ZDHHC11: variants seen among roughly 807,000 people sequenced by gnomAD.
ZDHHC11 encodes the protein palmitoyltransferase ZDHHC11.
Under a neutral mutation model 51.3 loss-of-function variants are expected in ZDHHC11, and 44 were observed. The ratio of observed to expected loss-of-function variants is 0.86; its 90% CI spans 0.67 to 1.10. The LOEUF (loss-of-function observed/expected upper bound fraction) is 1.10. ZDHHC11 is among the 50% of genes least tolerant of loss of function. The pLI, the probability that ZDHHC11 is intolerant of heterozygous loss-of-function variation, is 0.00. For missense variants in ZDHHC11, 400 were observed against 537.7 expected (o/e 0.74, Z 2.53); for synonymous variants, 163 against 222.0 (o/e 0.73, Z 2.36).
At chr5:854,100 C>T (rs560973608), upstream of ZDHHC11, among the ~76,000 whole-genome samples, 21 of 150,580 alleles carry the variant, frequency 1.4e-4, no homozygotes, top group African/African-American at 4.9e-4. Context: ...GGGCACAGAC[C>T]CCACGGAGGA....
intron 6 of ZDHHC11, among the ~76,000 whole-genome samples, chr5:834,226 G>A (rs1743467684): frequency 6.6e-6 from 1 of 152,288 alleles, no homozygotes; most frequent in Non-Finnish European, 1.5e-5. Context: ...ATTTGCAGCT[G>A]CCTGATGTAG....
intron 1 of ZDHHC11, among the ~76,000 whole-genome samples, chr5:858,253 T>C (rs112985173): frequency 8.0e-4 from 40 of 49,708 alleles, no homozygotes; most frequent in Admixed American, 5.3e-3. Flanking sequence ...GAGTCTGTCC[T>C]GGTCCCCATC....
chr5:810,295 C>G (rs1409234649), intron 11 of ZDHHC11, among the ~76,000 whole-genome samples: 1 of 145,440 alleles, frequency 6.9e-6, no homozygotes, highest in Non-Finnish European at 1.5e-5. Context: ...GAATGAGGCG[C>G]TGGGGATTAG....
intron 11 of ZDHHC11, among the ~76,000 whole-genome samples, chr5:807,638 C>G (rs537751653): frequency 4.0e-3 from 614 of 151,822 alleles, no homozygotes; most frequent in African/African-American, 0.014. Context: ...AAGCCAGACC[C>G]TGGGCAGTGA....
At chr5:854,123 G>T (rs1747758949), upstream of ZDHHC11, among the ~76,000 whole-genome samples, 1 of 150,088 alleles carries the variant, frequency 6.7e-6, no homozygotes, top group Admixed American at 6.6e-5. Flanking sequence ...GTGAGGAGCG[G>T]GGACAGACCC....
chr5:834,046 C>T (rs1480091008), intron 6 of ZDHHC11, among the ~76,000 whole-genome samples: 1 of 152,298 alleles, frequency 6.6e-6, no homozygotes, highest in African/African-American at 2.4e-5. Context: ...TAAAGAAATG[C>T]CAAACTGCTT....
intron 7 of ZDHHC11, among the ~76,000 whole-genome samples, chr5:829,853 T>C (rs1742850563): frequency 6.6e-6 from 1 of 151,442 alleles, no homozygotes; most frequent in African/African-American, 2.4e-5. Context: ...AGTCAATAAA[T>C]GTGATACCTC....
chr5:799,820 T>C (rs1047994189), intron 12 of ZDHHC11, among the ~76,000 whole-genome samples: 6 of 151,690 alleles, frequency 4.0e-5, no homozygotes, highest in African/African-American at 1.5e-4. Context: ...ATTTTAATTT[T>C]GCAACTTCAT....
In ZDHHC11 at chr5:814,796, C is replaced by T; in HGVS notation, c.1147-1G>A. The T allele has an allele frequency of 6.5e-7, 1 of 1,538,998 alleles. No homozygotes were observed. The highest frequency in any genetic ancestry group is 8.7e-7 in the Non-Finnish European group (1 of 1,143,124). ...ATATACTCGGGGCATCATCTGCTTC[C>T]TGTGGGGGGAAGGGATGCAAAATTC... On this transcript the variant is annotated splice_acceptor_variant, in intron 10 of 12. Coordinates refer to ENST00000283441, the MANE Select transcript of ZDHHC11 (RefSeq NM_024786.3). LOFTEE classifies it high-confidence loss of function.
At position 837,384 on chromosome 5, in the gene ZDHHC11, A is replaced by G; in HGVS notation, c.881T>C (p.Met294Thr). 1.2e-6 allele frequency: 2 copies of G among 1,613,722 alleles called. No individual in the cohort carries two copies. Residue 294 changes from methionine (M) to threonine (T), a missense_variant, in exon 6 of 13, where the codon ATG becomes ACG. Met to Thr is a moderately conservative substitution (Grantham distance 81). This residue lies in a region of ZDHHC11 where 231 missense variants were observed against 227.4 expected (regional missense o/e 1.02). Coordinates refer to ENST00000283441, the MANE Select transcript of ZDHHC11 (RefSeq NM_024786.3). ...QAVRKDPYVQ[M>T]DKGVLQQGAG... is the part of the protein sequence containing the mutation. ...TGGTACCTGGAGAACTCCTTTGTCC[A>G]TTTGCACGTATGGATCTTTCCTCAC...
chr5:850,759 G>C lies in ZDHHC11; in HGVS notation c.-157C>G. 1.1e-6 allele frequency: 1 copy of C among 893,340 alleles called. No individual in the cohort carries two copies. The highest frequency in any genetic ancestry group is 2.6e-5 in the East Asian group (1 of 38,030). The allele number at this position is 893,340 out of a possible 1,614,324, so 55.3% of individuals were successfully genotyped here. A position where few individuals can be genotyped will look rare whatever the true frequency, so the allele number is the denominator to read the frequency against. ...TGCCTGGGGCCACGTTCCCCGCAGA[G>C]GGAGCAGGGGCTGGGCTGGAGTCGG... On this transcript the variant is annotated 5_prime_UTR_variant, in exon 1 of 13. Coordinates refer to ENST00000283441, the MANE Select transcript of ZDHHC11 (RefSeq NM_024786.3).
At chr5:840,917 CCTTCCT>C (rs1216547337) in intron 4 of ZDHHC11, 1 of 1,409,178 alleles carries the variant, frequency 7.1e-7, no homozygotes, top group Non-Finnish European at 9.2e-7. Flanking sequence ...AGTGCCCACC[CCTTCCT>C]AAGTGCTGGG....
At position 817,076 on chromosome 5, in the gene ZDHHC11, A is replaced by C. The variant is rs540574206; in HGVS notation, c.1147-2281T>G. 3.7e-4 allele frequency: 65 copies of C among 177,556 alleles called. 1 individual carries two copies. Among genetic ancestry groups the C allele is most frequent in the African/African-American group, 1.5e-3 (63 of 42,108 alleles). 11.0% of individuals were successfully genotyped at this position (177,556 alleles called of 1,614,324 possible). On this transcript the variant is annotated intron_variant, in intron 10 of 12. Coordinates refer to ENST00000283441, the MANE Select transcript of ZDHHC11 (RefSeq NM_024786.3). ...GATAAAAATAACTTAAAATGGGTAA[A>C]GTAAGAACTGTTAAAAAGTCCATGT...
chr5:854,764 G>A (rs1244837152), upstream of ZDHHC11, among the ~76,000 whole-genome samples: 4 of 137,538 alleles, frequency 2.9e-5, no homozygotes, highest in South Asian at 2.4e-4. Flanking sequence ...ACAGCGAGCC[G>A]GAGGGCACAG....
chr5:817,936 G>A (rs1218965574), intron 10 of ZDHHC11, among the ~76,000 whole-genome samples: 32 of 151,486 alleles, frequency 2.1e-4, no homozygotes, highest in African/African-American at 7.7e-4. Context: ...GTAGGTCTGT[G>A]GAGCTCAGCA....
At chr5:813,726 C>T (rs1418196264) in intron 11 of ZDHHC11, among the ~76,000 whole-genome samples, 24 of 148,234 alleles carry the variant, frequency 1.6e-4, no homozygotes, top group African/African-American at 5.9e-4. Flanking sequence ...CGGGGCTGTT[C>T]TGTGCAGGCT....
chr5:817,742 T>C (rs1340548366), intron 10 of ZDHHC11, among the ~76,000 whole-genome samples: 1 of 151,342 alleles, frequency 6.6e-6, no homozygotes, highest in East Asian at 1.9e-4. Context: ...GCACACTCAT[T>C]ACACACCCTT....
chr5:829,789 A>C (rs2150357976), intron 7 of ZDHHC11, among the ~76,000 whole-genome samples: 1 of 151,564 alleles, frequency 6.6e-6, no homozygotes, highest in Non-Finnish European at 1.5e-5. Flanking sequence ...AGATAATAAC[A>C]CCATGGTCAA....
chr5:804,975 A>G lies in ZDHHC11; in HGVS notation c.1182-3811T>C, dbSNP rs1739038661. 2.6e-5 allele frequency among the ~76,000 whole-genome samples: 4 copies of G among 151,482 alleles called. No homozygotes were observed. The South Asian group carries it at 8.3e-4, about 32-fold the overall frequency. ...TAAATATACAAGTCAATAATATTGTACTTTTGGTTTGTAACTCTTTTTTTC... is the reference window on the plus strand; with the variant it reads ...TAAATATACAAGTCAATAATATTGTGCTTTTGGTTTGTAACTCTTTTTTTC... On this transcript the variant is annotated intron_variant, in intron 11 of 12. Transcript: ENST00000283441.
Sources: allele counts gnomAD v4.1 joint callset (sites outside exome capture counted in the v4.1 genomes callset), GRCh38; gene constraint gnomAD v4.1.1; regional missense constraint gnomAD v4.1.1; transcripts MANE v1.5; gene names NCBI Gene and HGNC (gene_info 2026-07-23, HGNC 2026-07-21).